Variants in KCTD3 observed in about 807,000 individuals in gnomAD.
KCTD3 encodes the protein potassium channel tetramerization domain containing 3, also known as BTB/POZ domain-containing protein KCTD3.
Under a neutral mutation model 85.8 loss-of-function variants are expected in KCTD3, and 41 were observed. The observed-to-expected ratio is 0.48, with a 90% CI of 0.37 to 0.62. The LOEUF (loss-of-function observed/expected upper bound fraction) is 0.62, where lower values mean the gene tolerates loss of function less well. Among genes scored for constraint, KCTD3 ranks in the 20% least tolerant of loss-of-function variants. The pLI is 0.00. For synonymous variants in KCTD3, 338 were observed against 345.4 expected (o/e 0.98, Z 0.24); for missense variants, 724 against 989.9 (o/e 0.73, Z 3.60).
In KCTD3 at chr1:215,579,020, A is replaced by G. The variant is rs368752457; in HGVS notation, c.418A>G (p.Asn140Asp). The change falls in exon 7 of 18, where the codon AAC becomes GAC. Residue 140 changes from asparagine to aspartate, a missense_variant. By Grantham distance (23) the Asn-to-Asp change is conservative. This residue lies in a region of KCTD3 where 106 missense variants were observed against 98.2 expected (regional missense o/e 1.08). Transcript: ENST00000259154. Reference protein sequence around the residue: ...PPPGIPSRKINNTVRSADSRN... With the variant: ...PPPGIPSRKIDNTVRSADSRN... ...TATAGGTATTCCTAGTCGTAAAATA[A>G]ACAACACAGTCAGATCTGCTGATTC... The G allele has an allele frequency of 1.3e-6, 2 of 1,560,948 alleles. No homozygotes were observed. The highest frequency in any genetic ancestry group is 1.7e-6 in the Non-Finnish European group (2 of 1,160,342).
chr1:215,589,036 A>C (rs1660121779), intron 9 of KCTD3, among the ~76,000 whole-genome samples: 1 of 152,228 alleles, frequency 6.6e-6, no homozygotes, highest in South Asian at 2.1e-4. Context: ...ATACTTCATT[A>C]GATTTTTCAT....
At position 215,620,631 on chromosome 1, in the gene KCTD3, A is replaced by G. The variant is rs773486401; in HGVS notation, c.*13A>G. On this transcript the variant is annotated 3_prime_UTR_variant, in exon 18 of 18. Transcript: ENST00000259154. ...GTACAGCTTGTGAAAACTCACCAAA[A>G]TGAATAGTTGTTTCGTTACATTTAG... is the stretch of plus-strand genomic sequence containing the variant. 1.4e-5 allele frequency: 22 copies of G among 1,531,674 alleles called. 2 individuals carry two copies. The South Asian group carries it at 2.5e-4, about 17-fold the overall frequency. 94.9% of individuals were successfully genotyped at this position (1,531,674 alleles called of 1,614,324 possible).
intron 14 of KCTD3, among the ~76,000 whole-genome samples, chr1:215,610,816 T>C (rs1655203529): frequency 6.6e-6 from 1 of 151,972 alleles, no homozygotes; most frequent in African/African-American, 2.4e-5. Flanking sequence ...ACCTCCCTTA[T>C]GTGGTTATTA....
chr1:215,595,530 AT>A lies in KCTD3; in HGVS notation c.933+69del, dbSNP rs910220287. The A allele has an allele frequency of 6.1e-3, 5,717 of 937,846 alleles. 2 individuals are homozygous for A. The highest frequency in any genetic ancestry group is 9.7e-3 in the South Asian group (595 of 61,620). 58.1% of individuals were successfully genotyped at this position (937,846 alleles called of 1,614,324 possible). Reference sequence around the variant, plus strand: ...TTTCTGAAATGTATGCTGATTATGTATTTTTTTTTTCCTTGTAGAATTCGTA... The same window carrying A: ...TTTCTGAAATGTATGCTGATTATGTATTTTTTTTTCCTTGTAGAATTCGTA... On this transcript the variant is annotated intron_variant, in intron 10 of 17. Coordinates refer to ENST00000259154, the MANE Select transcript of KCTD3 (RefSeq NM_016121.5).
Position 215,620,095 on chromosome 1 carries a change from CT to C in KCTD3, c.1926del (p.Thr643LeufsTer5), listed in dbSNP as rs773161410. 1 of 1,608,480 alleles carries C rather than the reference CT, an allele frequency of 6.2e-7. No individual in the cohort carries two copies. Among genetic ancestry groups the C allele is most frequent in the Non-Finnish European group, 8.5e-7 (1 of 1,178,310 alleles). On this transcript the variant is annotated frameshift_variant, in exon 18 of 18. Coordinates refer to ENST00000259154, the MANE Select transcript of KCTD3 (RefSeq NM_016121.5). LOFTEE classifies it low-confidence loss of function (END_TRUNC). ...LQHHDTTHEA[A>X]TYGSMRPYRE... ...CACCATGATACCACCCATGAAGCAG[CT>C]ACTTACGGTTCCATGAGGCCTTACA...
Position 215,620,591 on chromosome 1 carries a change from T to G in KCTD3, c.2421T>G (p.Asp807Glu), listed in dbSNP as rs1243395217. 2 of 1,606,878 alleles carry G rather than the reference T, an allele frequency of 1.2e-6. No individual in the cohort carries two copies. The highest frequency in any genetic ancestry group is 2.7e-5 in the African/African-American group (2 of 74,658). ...CATCTCCTCGGCATAAAAAAAGTGA[T>G]TCTTCAGGTCAGGAGTACAGCTTGT... ...TTPSPRHKKSDSSGQEYSL is the reference protein window; with the variant it reads ...TTPSPRHKKSESSGQEYSL The change falls in exon 18 of 18, where the codon GAT becomes GAG. Residue 807 changes from aspartate to glutamate, a missense_variant. Asp to Glu is a conservative substitution (Grantham distance 45, BLOSUM62 2). Coordinates refer to ENST00000259154, the MANE Select transcript of KCTD3 (RefSeq NM_016121.5).
chr1:215,619,626 G>A (rs113472997), intron 17 of KCTD3, among the ~76,000 whole-genome samples: 1 of 151,966 alleles, frequency 6.6e-6, no homozygotes, highest in Non-Finnish European at 1.5e-5. Context: ...CCTGTCTCAG[G>A]GACAATATTT....
intron 4 of KCTD3, 90 bp downstream of exon 4, chr1:215,576,064 T>C (rs541754775): frequency 3.8e-6 from 2 of 524,054 alleles, no homozygotes; most frequent in South Asian, 2.7e-5. Flanking sequence ...TTTTTGTTTG[T>C]TTTTTTTTTT....
intron 10 of KCTD3, among the ~76,000 whole-genome samples, chr1:215,599,889 A>G (rs1654763839): frequency 6.7e-6 from 1 of 148,848 alleles, no homozygotes; most frequent in African/African-American, 2.5e-5. Flanking sequence ...CTGCTCTTTC[A>G]TTGAAAAAAA....
chr1:215,598,284 G>C (rs1280026475), intron 10 of KCTD3, among the ~76,000 whole-genome samples: 1 of 152,032 alleles, frequency 6.6e-6, no homozygotes, highest in Admixed American at 6.6e-5. Context: ...ATGTGTGTTT[G>C]GTGTCTTGGA....
At chr1:215,573,886 C>G in intron 2 of KCTD3, 47 bp downstream of exon 2, 1 of 1,181,186 alleles carries the variant, frequency 8.5e-7, no homozygotes, top group Non-Finnish European at 1.2e-6. Flanking sequence ...ATTTATTTAC[C>G]AAAATATAAT....
intron 9 of KCTD3, among the ~76,000 whole-genome samples, chr1:215,587,485 T>C (rs1362378526): frequency 6.6e-6 from 1 of 152,238 alleles, no homozygotes; most frequent in East Asian, 1.9e-4. Context: ...AATGGAAATT[T>C]TTATAAATGT....
chr1:215,611,586 C>T (rs1452617764), intron 14 of KCTD3, among the ~76,000 whole-genome samples: 1 of 151,868 alleles, frequency 6.6e-6, no homozygotes, highest in African/African-American at 2.4e-5. Flanking sequence ...TTAGCTTTTA[C>T]AGCCTTAGTT....
intron 14 of KCTD3, 64 bp downstream of exon 14, chr1:215,608,236 A>C: frequency 9.7e-7 from 1 of 1,026,144 alleles, no homozygotes; most frequent in Non-Finnish European, 1.3e-6. Flanking sequence ...AAGCATATCA[A>C]CTAATAAAAC....
At chr1:215,610,328 A>ATT (rs981302646) in intron 14 of KCTD3, among the ~76,000 whole-genome samples, 5 of 151,030 alleles carry the variant, frequency 3.3e-5, no homozygotes, top group African/African-American at 1.2e-4. Context: ...ATCAAAGGTC[A>ATT]TTTTTTTTTA....
intron 5 of KCTD3, 113 bp from the exon 6 acceptor site, chr1:215,577,888 A>C: frequency 6.8e-7 from 1 of 1,468,822 alleles, no homozygotes; most frequent in Non-Finnish European, 9.3e-7. Flanking sequence ...ACTCTGACTT[A>C]ATTAAAATTT....
intron 15 of KCTD3, among the ~76,000 whole-genome samples, chr1:215,614,878 A>T (rs1357884739): frequency 6.6e-6 from 1 of 152,234 alleles, no homozygotes; most frequent in Non-Finnish European, 1.5e-5. Flanking sequence ...AAAGTTCATT[A>T]TCAAATTGCA....
At chr1:215,614,445 C>G (rs1461997099) in intron 15 of KCTD3, among the ~76,000 whole-genome samples, 1 of 152,174 alleles carries the variant, frequency 6.6e-6, no homozygotes, top group Non-Finnish European at 1.5e-5. Context: ...TTCTTTCTAT[C>G]CATGGTCATG....
intron 13 of KCTD3, among the ~76,000 whole-genome samples, chr1:215,604,998 A>G (rs1296832156): frequency 6.6e-6 from 1 of 152,198 alleles, no homozygotes; most frequent in Non-Finnish European, 1.5e-5. Flanking sequence ...CTTTCTGATT[A>G]CAAAGTAAAA....
Sources: gnomAD v4.1 joint callset for allele counts (sites outside exome capture counted in the v4.1 genomes callset) on GRCh38, gnomAD v4.1.1 for gene constraint, gnomAD v4.1.1 regional missense constraint, MANE v1.5 for transcripts, NCBI Gene and HGNC (gene_info 2026-07-23, HGNC 2026-07-21) for gene names.